The following RTF1 variants were observed in gnomAD, a reference collection of about 807,000 sequenced individuals.
RTF1 encodes RTF1 homolog, Paf1/RNA polymerase II complex component.
A neutral mutation model predicts 95.7 loss-of-function variants in RTF1; 10 were observed. The ratio of observed to expected loss-of-function variants is 0.10; its 90% CI spans 0.06 to 0.18. The LOEUF (loss-of-function observed/expected upper bound fraction) is 0.18, where lower values mean the gene tolerates loss of function less well. Ranked by LOEUF, RTF1 falls within the 10% of genes least tolerant of loss-of-function variation. RTF1 has a pLI of 1.00. For synonymous variants in RTF1, 305 were observed against 311.8 expected (o/e 0.98, Z 0.23); for missense variants, 458 against 875.6 (o/e 0.52, Z 6.02).
At chr15:41,476,397 A>G (rs768478723) in intron 11 of RTF1, 49 bp from the exon 12 acceptor site, 1 of 1,547,166 alleles carries the variant, frequency 6.5e-7, no homozygotes, top group Non-Finnish European at 8.9e-7. Flanking sequence ...GCCTGTCTAC[A>G]AAAATAGCTT....
intron 15 of RTF1, 106 bp from the exon 16 acceptor site, chr15:41,478,997 G>C: frequency 1.4e-6 from 1 of 723,952 alleles, no homozygotes; most frequent in East Asian, 2.7e-5. Flanking sequence ...CTGCTGATGG[G>C]TCGGCTGTGG....
At chr15:41,464,392 G>A (rs1165020730) in intron 4 of RTF1, among the ~76,000 whole-genome samples, 1 of 151,030 alleles carries the variant, frequency 6.6e-6, no homozygotes, top group Admixed American at 6.6e-5. Context: ...GGGACTACAA[G>A]TGTGCGCCAC....
intron 1 of RTF1, among the ~76,000 whole-genome samples, chr15:41,431,070 A>C (rs1417922254): frequency 8.4e-4 from 109 of 130,446 alleles, no homozygotes; most frequent in Middle Eastern, 0.011. Flanking sequence ...TGCCCAGCTA[A>C]TTTTTTTGTA....
rs959592988 is a variant in RTF1, at chr15:41,454,157, C to T, written c.457+1109C>T. On this transcript the variant is annotated intron_variant, in intron 3 of 17. Coordinates refer to ENST00000389629, the MANE Select transcript of RTF1 (RefSeq NM_015138.5). ...TGTTGCCCAGGCTGGAGTGCAATGG[C>T]GCGTTCTTGGCTCACTGCAACCTCT... Among the ~76,000 whole-genome samples, 15 of 152,116 alleles carry T rather than the reference C, an allele frequency of 9.9e-5. No individual in the cohort carries two copies. In the East Asian group the frequency reaches 1.5e-3, roughly 16 times the overall value.
chr15:41,460,560 G>A (rs1352742234), intron 4 of RTF1, among the ~76,000 whole-genome samples: 2 of 152,198 alleles, frequency 1.3e-5, no homozygotes, highest in African/African-American at 4.8e-5. Flanking sequence ...AGATGTTGTC[G>A]TGTAAGGCCA....
At chr15:41,470,140 A>G in intron 6 of RTF1, 117 bp from the exon 7 acceptor site, 1 of 1,068,882 alleles carries the variant, frequency 9.4e-7, no homozygotes, top group Non-Finnish European at 1.4e-6. Context: ...AGCACAATCC[A>G]GTCTAGAGAG....
chr15:41,478,561 A>G lies in RTF1; in HGVS notation c.1754A>G (p.Asn585Ser), dbSNP rs2050954109. 2.5e-6 allele frequency: 4 copies of G among 1,613,804 alleles called. No individual in the cohort carries two copies. The highest frequency in any genetic ancestry group is 2.7e-5 in the African/African-American group (2 of 74,854). ...TTTCTGTTTCAGGCTGAAAGTCACA[A>G]CATGAAAAACCAACAGATGGATCCC... Reference protein sequence around the residue: ...SEKALVAESHNMKNQQMDPFT... With the variant: ...SEKALVAESHSMKNQQMDPFT... Residue 585 changes from asparagine (N) to serine (S), a missense_variant, in exon 15 of 18, where the codon AAC becomes AGC. This residue lies in a region of RTF1 where 15 missense variants were observed against 57.1 expected (regional missense o/e 0.26). Transcript: ENST00000389629.
chr15:41,461,288 C>G (rs896873881), intron 4 of RTF1, among the ~76,000 whole-genome samples: 1 of 151,908 alleles, frequency 6.6e-6, no homozygotes, highest in African/African-American at 2.4e-5. Flanking sequence ...CTGAGATGAT[C>G]CACCCGCCTC....
chr15:41,425,062 G>A (rs920008560), intron 1 of RTF1, among the ~76,000 whole-genome samples: 7 of 151,962 alleles, frequency 4.6e-5, no homozygotes, highest in African/African-American at 7.2e-5. Flanking sequence ...CAGCCTCCCC[G>A]GTGGCTGGGA....
At chr15:41,453,729 C>CAA (rs1028188789) in intron 3 of RTF1, among the ~76,000 whole-genome samples, 1 of 129,538 alleles carries the variant, frequency 7.7e-6, no homozygotes, top group African/African-American at 2.9e-5. Flanking sequence ...TCAACAACAA[C>CAA]AAAAAAAAGT....
intron 4 of RTF1, among the ~76,000 whole-genome samples, chr15:41,458,195 G>T (rs1328298296): frequency 6.6e-6 from 1 of 152,200 alleles, no homozygotes; most frequent in Non-Finnish European, 1.5e-5. Context: ...CTTAGGCTTA[G>T]AGACATTAGG....
At chr15:41,444,889 G>A (rs1417180285) in intron 2 of RTF1, among the ~76,000 whole-genome samples, 1 of 152,018 alleles carries the variant, frequency 6.6e-6, no homozygotes, top group Non-Finnish European at 1.5e-5. Context: ...CTTAGTGACA[G>A]CTGTTTAGAT....
intron 2 of RTF1, among the ~76,000 whole-genome samples, chr15:41,446,754 A>G (rs1004897483): frequency 2.0e-5 from 3 of 150,826 alleles, no homozygotes; most frequent in Non-Finnish European, 4.4e-5. Flanking sequence ...GCTCTATCCC[A>G]TTTCTTTAGA....
rs367744241 is a variant in RTF1 at position 41,480,343 on chromosome 15, G to C, written c.2026+18G>C. On this transcript the variant is annotated intron_variant, in intron 17 of 17. Transcript: ENST00000389629. ...CAGCTCAGGTATGTGAGGGTGGGGC[G>C]GGTGGTGAGGGCTGAGAACCAGATG... 1.9e-4 allele frequency: 281 copies of C among 1,514,868 alleles called. No individual in the cohort carries two copies. The highest frequency in any genetic ancestry group is 3.2e-4 in the Admixed American group (19 of 59,878). 93.8% of individuals were successfully genotyped at this position (1,514,868 alleles called of 1,614,324 possible). A position where few individuals can be genotyped will look rare whatever the true frequency, so the allele number is the denominator to read the frequency against.
intron 12 of RTF1, 115 bp from the exon 13 acceptor site, chr15:41,477,050 C>A: frequency 7.7e-7 from 1 of 1,302,510 alleles, no homozygotes; most frequent in Non-Finnish European, 1.1e-6. Flanking sequence ...TCCACATCTC[C>A]TGTCCTTTGC....
In RTF1 at chr15:41,482,458, T is replaced by C. The variant is rs1379444914; in HGVS notation, c.*1771T>C. ...CGATGGGAAATCATGGACTTGTAAG[T>C]TGTATTTAAACATAAAAATGAACTT... On this transcript the variant is annotated 3_prime_UTR_variant, in exon 18 of 18. Transcript: ENST00000389629. 1 of 152,428 alleles carries C rather than the reference T, an allele frequency of 6.6e-6. No individual in the cohort carries two copies. The highest frequency in any genetic ancestry group is 1.5e-5 in the Non-Finnish European group (1 of 68,034). The allele number at this position is 152,428 out of a possible 1,614,324, so 9.4% of individuals were successfully genotyped here.
intron 14 of RTF1, 123 bp from the exon 15 acceptor site, chr15:41,478,425 A>AAT: frequency 1.4e-6 from 1 of 711,926 alleles, no homozygotes; most frequent in Non-Finnish European, 2.4e-6. Context: ...AAAAAAAAAA[A>AAT]GGAAAAGGAT....
At chr15:41,444,235 C>A (rs938688863) in intron 2 of RTF1, among the ~76,000 whole-genome samples, 2 of 151,844 alleles carry the variant, frequency 1.3e-5, no homozygotes, top group African/African-American at 4.8e-5. Flanking sequence ...CATGCCACTG[C>A]ACTCCAACCT....
intron 12 of RTF1, among the ~76,000 whole-genome samples, chr15:41,476,794 T>G (rs1231845843): frequency 1.3e-5 from 2 of 152,250 alleles, no homozygotes; most frequent in East Asian, 3.8e-4. Flanking sequence ...GGGGTGGTAT[T>G]TAACACTGAG....
Sources: allele counts gnomAD v4.1 joint callset (sites outside exome capture counted in the v4.1 genomes callset), GRCh38; gene constraint gnomAD v4.1.1; regional missense constraint gnomAD v4.1.1; transcripts MANE v1.5; gene names NCBI Gene and HGNC (gene_info 2026-07-23, HGNC 2026-07-21).